The following ABTB3 variants were observed in gnomAD, a reference collection of about 807,000 sequenced individuals.
ABTB3 encodes ankyrin repeat- and BTB/POZ domain-containing protein 3.
chr12:107,577,616 T>C, the ABTB3 span, among the ~76,000 whole-genome samples: 1 of 152,112 alleles, frequency 6.6e-6, no homozygotes, highest in African/African-American at 2.4e-5. Context: ...TTCTCTTTCC[T>C]TCCAGAGCCT....
the ABTB3 span, among the ~76,000 whole-genome samples, chr12:107,325,891 T>C: frequency 7.2e-5 from 11 of 152,236 alleles, no homozygotes; most frequent in African/African-American, 2.7e-4. Context: ...ATAATCATTA[T>C]AGTTACATCA....
At chr12:107,616,121 A>C in the ABTB3 span, among the ~76,000 whole-genome samples, 1 of 152,196 alleles carries the variant, frequency 6.6e-6, no homozygotes, top group Non-Finnish European at 1.5e-5. Flanking sequence ...CAGTATGCCC[A>C]GTCCACTCCT....
chr12:107,579,865 G>A, the ABTB3 span, among the ~76,000 whole-genome samples: 3 of 152,202 alleles, frequency 2.0e-5, no homozygotes, highest in African/African-American at 7.2e-5. Flanking sequence ...TTGCATCTAC[G>A]TAGTGCATTT....
chr12:107,493,495 C>G, the ABTB3 span, among the ~76,000 whole-genome samples: 2 of 152,174 alleles, frequency 1.3e-5, no homozygotes, highest in South Asian at 2.1e-4. Context: ...AGGCCGGCCC[C>G]TCTTTCACGG....
the ABTB3 span, among the ~76,000 whole-genome samples, chr12:107,396,442 G>A: frequency 6.6e-6 from 1 of 152,210 alleles, no homozygotes; most frequent in South Asian, 2.1e-4. Flanking sequence ...TCTTGGAGTT[G>A]TGAAGACTGA....
At chr12:107,570,476 A>T in the ABTB3 span, among the ~76,000 whole-genome samples, 1 of 152,148 alleles carries the variant, frequency 6.6e-6, no homozygotes, top group East Asian at 1.9e-4. Context: ...CAGCCTCCCA[A>T]GGTGCTGGGA....
the ABTB3 span, among the ~76,000 whole-genome samples, chr12:107,611,838 T>A: frequency 2.0e-5 from 3 of 152,262 alleles, no homozygotes; most frequent in Non-Finnish European, 1.5e-5. Flanking sequence ...TCTTCTTTAT[T>A]CAGGAGTGCT....
At chr12:107,375,931 C>G in the ABTB3 span, among the ~76,000 whole-genome samples, 2 of 152,210 alleles carry the variant, frequency 1.3e-5, no homozygotes, top group African/African-American at 4.8e-5. Context: ...CCTGCCTAGC[C>G]TGGGCTGCTT....
chr12:107,441,314 C>T, the ABTB3 span, among the ~76,000 whole-genome samples: 98 of 152,264 alleles, frequency 6.4e-4, no homozygotes, highest in African/African-American at 2.2e-3. Context: ...TTTGCAGGGA[C>T]ATGGAAGGAG....
the ABTB3 span, among the ~76,000 whole-genome samples, chr12:107,634,591 C>T: frequency 1.3e-5 from 2 of 152,154 alleles, no homozygotes; most frequent in Admixed American, 1.3e-4. Context: ...TCCGATACAC[C>T]TGAAGCTGGA....
At chr12:107,382,398 T>A in the ABTB3 span, among the ~76,000 whole-genome samples, 4 of 152,070 alleles carry the variant, frequency 2.6e-5, no homozygotes, top group African/African-American at 7.2e-5. Context: ...TGGCTCCTTT[T>A]TAAAAGATCC....
chr12:107,321,483 T>G, the ABTB3 span, among the ~76,000 whole-genome samples: 64 of 152,042 alleles, frequency 4.2e-4, no homozygotes, highest in African/African-American at 1.5e-3. Context: ...TGTGTGTTTG[T>G]GTGTGTTGGG....
the ABTB3 span, chr12:107,544,138 A>G: frequency 6.2e-7 from 1 of 1,613,814 alleles, no homozygotes; most frequent in Non-Finnish European, 8.5e-7. Flanking sequence ...CCAGGTGGAA[A>G]GGTAAGAACT....
At chr12:107,640,306 T>G in the ABTB3 span, 2 of 1,525,260 alleles carry the variant, frequency 1.3e-6, no homozygotes, top group Non-Finnish European at 1.8e-6. Context: ...CCTTTCCTAT[T>G]CCAGATCCTC....
At chr12:107,528,727 T>A in the ABTB3 span, among the ~76,000 whole-genome samples, 1 of 152,184 alleles carries the variant, frequency 6.6e-6, no homozygotes, top group Non-Finnish European at 1.5e-5. Flanking sequence ...CTTTGAGACC[T>A]CTGACCTTGG....
the ABTB3 span, among the ~76,000 whole-genome samples, chr12:107,371,853 A>G: frequency 6.6e-6 from 1 of 152,142 alleles, no homozygotes; most frequent in Non-Finnish European, 1.5e-5. Context: ...TAAGCACAGC[A>G]CTTTTTCTCA....
chr12:107,573,991 G>T, the ABTB3 span, among the ~76,000 whole-genome samples: 7 of 152,158 alleles, frequency 4.6e-5, no homozygotes, highest in African/African-American at 1.7e-4. Context: ...TGTCTTTCTC[G>T]AGTGTTTATA....
At chr12:107,482,913 C>CTTCTTTCTTTCTTTCTTTCTTTCTTTCT in the ABTB3 span, among the ~76,000 whole-genome samples, 1 of 117,998 alleles carries the variant, frequency 8.5e-6, no homozygotes, top group African/African-American at 3.4e-5. Flanking sequence ...TCTCTTTCTT[C>CTTCTTTCTTTCTTTCTTTCTTTCTTTCT]TTCTTTCTTT....
the ABTB3 span, among the ~76,000 whole-genome samples, chr12:107,628,882 C>T: frequency 1.3e-4 from 20 of 152,168 alleles, no homozygotes; most frequent in Non-Finnish European, 2.5e-4. Context: ...GAGTGAAGGG[C>T]CAGAACTAGG....
Sources: gnomAD v4.1 joint callset for allele counts (sites outside exome capture counted in the v4.1 genomes callset) on GRCh38, gnomAD v4.1.1 for gene constraint, MANE v1.5 for transcripts, NCBI Gene and HGNC (gene_info 2026-07-23, HGNC 2026-07-21) for gene names.